The following CCDC201 variants were observed in gnomAD, a reference collection of about 807,000 sequenced individuals.
CCDC201 encodes coiled-coil domain containing 201, also known as coiled-coil domain-containing protein 201.
rs572254888 is a variant in CCDC201, at chr7:45,866,410, T to G, written c.103A>C (p.Thr35Pro). 3.3e-5 allele frequency: 5 copies of G among 152,208 alleles called. No homozygotes were observed. The East Asian group carries it at 9.7e-4, about 29-fold the overall frequency. The allele number at this position is 152,208 out of a possible 1,614,324, so 9.4% of individuals were successfully genotyped here. Residue 35 changes from threonine to proline, a missense_variant, in exon 2 of 3, where the codon ACC becomes CCC. Coordinates refer to ENST00000636578, the Ensembl canonical transcript of CCDC201. The stretch of plus-strand genomic sequence containing the variant: ...CAACCCAGGGCTGCCTCCTCAGGGG[T>G]GCTGTGTTTCAGGGGCTTTCTCAAG...
intron 2 of CCDC201, among the ~76,000 whole-genome samples, chr7:45,865,113 G>A (rs1359475408): frequency 6.6e-6 from 1 of 152,110 alleles, no homozygotes; most frequent in African/African-American, 2.4e-5. Context: ...GGCCGGAAAA[G>A]TGCCCCTTCT....
chr7:45,883,957 CTTTCTTTCTT>C, the CCDC201 span, among the ~76,000 whole-genome samples: 1 of 110,912 alleles, frequency 9.0e-6, no homozygotes, highest in South Asian at 2.6e-4. Flanking sequence ...CAGAACCGAT[CTTTCTTTCTT>C]TTTCTTTCTT....
chr7:45,881,728 T>A, the CCDC201 span, among the ~76,000 whole-genome samples: 3 of 152,186 alleles, frequency 2.0e-5, no homozygotes, highest in Non-Finnish European at 4.4e-5. Flanking sequence ...GCACCCTGAA[T>A]GCAAATGCTT....
the CCDC201 span, among the ~76,000 whole-genome samples, chr7:45,881,848 CTG>C: frequency 6.6e-6 from 1 of 152,236 alleles, no homozygotes; most frequent in African/African-American, 2.4e-5. Context: ...TGTTTAGAAA[CTG>C]GGTTTTGTTG....
intron 2 of CCDC201, among the ~76,000 whole-genome samples, chr7:45,865,653 C>CA (rs1367652426): frequency 6.6e-6 from 1 of 152,262 alleles, no homozygotes; most frequent in Admixed American, 6.5e-5. Flanking sequence ...AAAGAGTCAT[C>CA]ACCCAGACTC....
rs868088354 is a variant in CCDC201 at position 45,870,401 on chromosome 7, T to C, written c.18+2589A>G. Reference sequence around the variant, plus strand: ...ACCTATTAAAACACTGAGATTGGGTTAGAAAGCAAAATCCAACTACACATT... The same window carrying C: ...ACCTATTAAAACACTGAGATTGGGTCAGAAAGCAAAATCCAACTACACATT... On this transcript the variant is annotated intron_variant, in intron 1 of 2. Transcript: ENST00000636578. Among the ~76,000 whole-genome samples the C allele has an allele frequency of 8.5e-5, 13 of 152,278 alleles. No homozygotes were observed. In the Middle Eastern group the frequency reaches 0.01, roughly 120 times the overall value.
chr7:45,864,034 C>A (rs1052882682), intron 2 of CCDC201, among the ~76,000 whole-genome samples: 2 of 152,126 alleles, frequency 1.3e-5, no homozygotes, highest in African/African-American at 4.8e-5. Flanking sequence ...GGAGGACCAG[C>A]GAATTCCCAG....
exon 3 of CCDC201, chr7:45,861,166 C>T (rs1786595139): frequency 1.3e-5 from 2 of 152,168 alleles, no homozygotes. Flanking sequence ...GCATCAAACA[C>T]AGACCACGGG....
At chr7:45,879,025 C>T in the CCDC201 span, among the ~76,000 whole-genome samples, 1 of 152,180 alleles carries the variant, frequency 6.6e-6, no homozygotes, top group Non-Finnish European at 1.5e-5. Context: ...CAGCAGATAC[C>T]TTAAATCATC....
At chr7:45,862,576 A>C (rs900992600) in exon 3 of CCDC201, 1 of 152,238 alleles carries the variant, frequency 6.6e-6, no homozygotes, top group Non-Finnish European at 1.5e-5. Flanking sequence ...GAAACCCACC[A>C]TCCAGTGCAG....
exon 1 of CCDC201, chr7:45,873,058 C>CCTG (rs1370913636): frequency 1.3e-5 from 2 of 152,380 alleles, no homozygotes; most frequent in Non-Finnish European, 2.9e-5. Flanking sequence ...CAGCGCCCAC[C>CCTG]CTGTGGCCCT....
At chr7:45,883,618 G>A in the CCDC201 span, among the ~76,000 whole-genome samples, 2 of 152,128 alleles carry the variant, frequency 1.3e-5, no homozygotes, top group African/African-American at 2.4e-5. Context: ...CTTGAGCTAC[G>A]GCATGGACCT....
chr7:45,879,821 C>A, the CCDC201 span, among the ~76,000 whole-genome samples: 1 of 152,238 alleles, frequency 6.6e-6, no homozygotes, highest in Non-Finnish European at 1.5e-5. Flanking sequence ...CACAGTGGCT[C>A]ATGCCTGTAA....
chr7:45,880,794 G>A, the CCDC201 span, among the ~76,000 whole-genome samples: 2 of 152,236 alleles, frequency 1.3e-5, no homozygotes, highest in African/African-American at 4.8e-5. Flanking sequence ...GCAAGGGCCT[G>A]GGGACCTGAG....
At chr7:45,874,411 G>A (rs1054436168), upstream of CCDC201, among the ~76,000 whole-genome samples, 1 of 152,214 alleles carries the variant, frequency 6.6e-6, no homozygotes, top group Non-Finnish European at 1.5e-5. Flanking sequence ...GTGAATGAAT[G>A]CTGTCACTGG....
chr7:45,864,844 T>C (rs1057170048), intron 2 of CCDC201, among the ~76,000 whole-genome samples: 30 of 152,112 alleles, frequency 2.0e-4, no homozygotes, highest in African/African-American at 6.0e-4. Flanking sequence ...TCAATCAGGA[T>C]GTCCAACATC....
At chr7:45,860,373 C>A in exon 3 of CCDC201, 1 of 152,442 alleles carries the variant, frequency 6.6e-6, no homozygotes, top group South Asian at 2.0e-4. Context: ...ATGTGCATGT[C>A]ACGGGATATG....
At chr7:45,869,017 G>T (rs1786712417) in intron 1 of CCDC201, among the ~76,000 whole-genome samples, 1 of 152,206 alleles carries the variant, frequency 6.6e-6, no homozygotes, top group South Asian at 2.1e-4. Flanking sequence ...CTGCATAAAT[G>T]GAATCATAAT....
At chr7:45,878,000 C>G (rs189132836), upstream of CCDC201, among the ~76,000 whole-genome samples, 1 of 152,304 alleles carries the variant, frequency 6.6e-6, no homozygotes, top group East Asian at 1.9e-4. Context: ...GGAAAATGCC[C>G]CCATTTCAAA....
Sources: allele counts gnomAD v4.1 joint callset (sites outside exome capture counted in the v4.1 genomes callset), GRCh38; gene constraint gnomAD v4.1.1; transcripts MANE v1.5; gene names NCBI Gene and HGNC (gene_info 2026-07-23, HGNC 2026-07-21).